STK38: variants seen among roughly 807,000 people sequenced by gnomAD.
STK38 encodes the protein serine/threonine-protein kinase 38.
STK38 carries 26 observed loss-of-function variants against 59.0 expected under a neutral mutation model. That is an observed-to-expected ratio of 0.44 (90% CI 0.32 to 0.61). The LOEUF (loss-of-function observed/expected upper bound fraction) is 0.61. Ranked by LOEUF, STK38 falls within the 20% of genes least tolerant of loss-of-function variation. The pLI, the probability that STK38 is intolerant of heterozygous loss-of-function variation, is 0.04. For missense variants in STK38, 433 were observed against 566.0 expected (o/e 0.76, Z 2.38); for synonymous variants, 175 against 176.6 (o/e 0.99, Z 0.07).
At chr6:36,503,669 T>C (rs1243152390) in intron 9 of STK38, among the ~76,000 whole-genome samples, 1 of 152,060 alleles carries the variant, frequency 6.6e-6, no homozygotes, top group Non-Finnish European at 1.5e-5. Context: ...GTTCAAAGAT[T>C]TCCATTATAA....
chr6:36,508,225 C>A (rs1777015759), intron 7 of STK38, among the ~76,000 whole-genome samples: 2 of 152,126 alleles, frequency 1.3e-5, no homozygotes, highest in African/African-American at 4.8e-5. Context: ...CATGCGCCAC[C>A]ACACCTGGCC....
chr6:36,537,261 C>T (rs933911136), intron 2 of STK38, among the ~76,000 whole-genome samples: 4 of 152,064 alleles, frequency 2.6e-5, no homozygotes, highest in Admixed American at 2.0e-4. Context: ...ACACTGACAA[C>T]GCAAATGTTA....
intron 7 of STK38, among the ~76,000 whole-genome samples, chr6:36,509,514 G>A (rs892188897): frequency 1.1e-4 from 17 of 151,836 alleles, no homozygotes; most frequent in Non-Finnish European, 2.2e-4. Context: ...GATAACAAGG[G>A]GATGTAAAGA....
chr6:36,525,768 T>C (rs1317186946), intron 2 of STK38, 126 bp from the exon 3 acceptor site: 13 of 723,512 alleles, frequency 1.8e-5, no homozygotes, highest in Admixed American at 1.5e-4. Flanking sequence ...AAATGTCTCA[T>C]TAAAACAAAA....
At position 36,523,285 on chromosome 6, in the gene STK38, T is replaced by TG. The variant is rs767372144; in HGVS notation, c.306+1055dup. ...TTTTTGTTTTTTTTTTTTTTTGAGA[T>TG]GGAGTCTTGCTCTGTCACCCAGGCT... On this transcript the variant is annotated intron_variant, in intron 4 of 13. Coordinates refer to ENST00000229812, the MANE Select transcript of STK38 (RefSeq NM_007271.4). 7.1e-3 allele frequency among the ~76,000 whole-genome samples: 917 copies of TG among 128,694 alleles called. 9 individuals are homozygous for TG. Among genetic ancestry groups the TG allele is most frequent in the African/African-American group, 0.023 (806 of 34,310 alleles). The allele number at this position is 128,694 out of a possible 152,430, so 84.4% of individuals were successfully genotyped here.
At chr6:36,506,085 A>G (rs1776955683) in intron 9 of STK38, among the ~76,000 whole-genome samples, 1 of 152,202 alleles carries the variant, frequency 6.6e-6, no homozygotes, top group Non-Finnish European at 1.5e-5. Context: ...CATTCCCTTT[A>G]TATTTCTCTC....
At position 36,538,891 on chromosome 6, in the gene STK38, C is replaced by CAAAA. The variant is rs1214217676; in HGVS notation, c.131+1177_131+1180dup. ...TGGGTGACAGAACAAGACTCTGTCT[C>CAAAA]AAAAAAAAAAAAAAAAAAAAAGGAA... On this transcript the variant is annotated intron_variant, in intron 2 of 13. Transcript: ENST00000229812. Among the ~76,000 whole-genome samples, 250 of 54,052 alleles carry CAAAA rather than the reference C, an allele frequency of 4.6e-3. 7 individuals carry two copies. The highest frequency in any genetic ancestry group is 0.015 in the African/African-American group (202 of 13,802). 35.5% of individuals were successfully genotyped at this position (54,052 alleles called of 152,430 possible). A position where few individuals can be genotyped will look rare whatever the true frequency, so the allele number is the denominator to read the frequency against.
At chr6:36,498,108 T>C (rs1047658410) in intron 11 of STK38, among the ~76,000 whole-genome samples, 5 of 152,008 alleles carry the variant, frequency 3.3e-5, no homozygotes, top group Non-Finnish European at 7.4e-5. Flanking sequence ...GCCAATTTTT[T>C]CTTTTTAGAG....
At position 36,495,877 on chromosome 6, in the gene STK38, G is replaced by C. The variant is rs376687611; in HGVS notation, c.1305C>G (p.Asn435Lys). The stretch of plus-strand genomic sequence containing the variant: ...TGTAATTGATGAAGACCCAGTCTTT[G>C]TTCTTGTAGTCAGTCTCAGGATGAT... ...TSNHPETDYK[N>K]KDWVFINYTY... The change falls in exon 14 of 14, where the codon AAC (asparagine) becomes AAG (lysine). Residue 435 changes from asparagine to lysine, a missense_variant. Asn to Lys is a moderately conservative substitution (Grantham distance 94). Coordinates refer to ENST00000229812, the MANE Select transcript of STK38 (RefSeq NM_007271.4). 2 of 1,613,932 alleles carry C rather than the reference G, an allele frequency of 1.2e-6. No individual in the cohort carries two copies. Among genetic ancestry groups the C allele is most frequent in the African/African-American group, 2.7e-5 (2 of 74,892 alleles).
In STK38 at chr6:36,547,358, G is replaced by A. The variant is rs1778074702; in HGVS notation, c.-174C>T. ...AGACAGGGGGCAACAGGCGGTTACG[G>A]GTGAGGACAACAGGAAGCGTTCCAA... On this transcript the variant is annotated 5_prime_UTR_variant, in exon 1 of 14. Coordinates refer to ENST00000229812, the MANE Select transcript of STK38 (RefSeq NM_007271.4). 6.6e-6 allele frequency: 1 copy of A among 152,478 alleles called. No homozygotes were observed. Among genetic ancestry groups the A allele is most frequent in the South Asian group, 2.1e-4 (1 of 4,840 alleles). The allele number at this position is 152,478 out of a possible 1,614,324, so 9.4% of individuals were successfully genotyped here. A position where few individuals can be genotyped will look rare whatever the true frequency, so the allele number is the denominator to read the frequency against.
intron 2 of STK38, among the ~76,000 whole-genome samples, chr6:36,529,013 GA>G (rs201783548): frequency 2.0e-5 from 3 of 149,902 alleles, no homozygotes; most frequent in Non-Finnish European, 3.0e-5. Flanking sequence ...AAAGTATCCA[GA>G]AAAAAAAAGC....
intron 3 of STK38, among the ~76,000 whole-genome samples, chr6:36,525,260 T>A (rs1186646306): frequency 6.6e-6 from 1 of 152,186 alleles, no homozygotes; most frequent in Non-Finnish European, 1.5e-5. Context: ...ATTTCAAAAA[T>A]TTGCCCTACT....
Position 36,494,388 on chromosome 6 carries a change from A to G in STK38, c.*1396T>C, listed in dbSNP as rs1776649781. ...CGGCCACAATACTTTGCAACAGGCAAAGTTCCCACATAGGTGCAAATGATG... is the reference window on the plus strand; with the variant it reads ...CGGCCACAATACTTTGCAACAGGCAGAGTTCCCACATAGGTGCAAATGATG... On this transcript the variant is annotated 3_prime_UTR_variant, in exon 14 of 14. Transcript: ENST00000229812. 3 of 152,818 alleles carry G rather than the reference A, an allele frequency of 2.0e-5. No individual in the cohort carries two copies. In the South Asian group the frequency reaches 6.2e-4, roughly 32 times the overall value. 9.5% of individuals were successfully genotyped at this position (152,818 alleles called of 1,614,324 possible).
intron 3 of STK38, among the ~76,000 whole-genome samples, chr6:36,525,125 C>T (rs921979375): frequency 1.3e-5 from 2 of 152,218 alleles, no homozygotes; most frequent in East Asian, 1.9e-4. Context: ...CTCATGCATG[C>T]GGAGCTTAAA....
Position 36,545,685 on chromosome 6 carries a change from T to C in STK38, c.-6+1505A>G, listed in dbSNP as rs1047797497. ...ACCAACTTTTCTTAAGACAGGACTA[T>C]CCATCAGGCTTTCCACAATTCAAGC... On this transcript the variant is annotated intron_variant, in intron 1 of 13. Transcript: ENST00000229812. Among the ~76,000 whole-genome samples, 14 of 152,322 alleles carry C rather than the reference T, an allele frequency of 9.2e-5. No homozygotes were observed. In the South Asian group the frequency reaches 2.7e-3, roughly 29 times the overall value.
intron 4 of STK38, among the ~76,000 whole-genome samples, chr6:36,524,129 C>T (rs1207870337): frequency 1.3e-5 from 2 of 152,178 alleles, no homozygotes; most frequent in Non-Finnish European, 2.9e-5. Flanking sequence ...AACACCAACA[C>T]CATCTCTGGC....
At chr6:36,534,859 A>G (rs1777750147) in intron 2 of STK38, among the ~76,000 whole-genome samples, 1 of 152,020 alleles carries the variant, frequency 6.6e-6, no homozygotes, top group Non-Finnish European at 1.5e-5. Context: ...AAAAAAGGTG[A>G]ATAGATTGAA....
At chr6:36,527,205 A>ATATATATATATATAT (rs1401899969) in intron 2 of STK38, among the ~76,000 whole-genome samples, 7 of 112,752 alleles carry the variant, frequency 6.2e-5, no homozygotes, top group Admixed American at 4.5e-4. Flanking sequence ...AAAAAAAAAA[A>ATATATATATATATAT]AAATATATGT....
intron 2 of STK38, among the ~76,000 whole-genome samples, chr6:36,535,049 T>C (rs1777754655): frequency 6.6e-6 from 1 of 152,148 alleles, no homozygotes; most frequent in African/African-American, 2.4e-5. Context: ...AAATTCTAAA[T>C]AGCATCCAGA....
Sources: gnomAD v4.1 joint callset for allele counts (sites outside exome capture counted in the v4.1 genomes callset) on GRCh38, gnomAD v4.1.1 for gene constraint, MANE v1.5 for transcripts, NCBI Gene and HGNC (gene_info 2026-07-23, HGNC 2026-07-21) for gene names.